WFS1: variants seen among roughly 807,000 people sequenced by gnomAD.
The protein encoded by WFS1 is wolframin ER transmembrane glycoprotein.
In WFS1, 90 loss-of-function variants were observed where a neutral mutation model predicts 68.5. That is an observed-to-expected ratio of 1.31 (90% confidence interval 1.11 to 1.56). WFS1 has a LOEUF of 1.56. Ranked by LOEUF, WFS1 falls within the 40% of genes most tolerant of loss-of-function variation. The pLI, the probability that WFS1 is intolerant of heterozygous loss-of-function variation, is 0.00. For synonymous variants in WFS1, 860 were observed against 540.7 expected, an observed-to-expected ratio of 1.59 and a Z score of -8.19; for missense variants, 1,767 against 1,232.6, an observed-to-expected ratio of 1.43 and a Z score of -6.49.
chr4:6,299,517 G>GAA lies in WFS1; in HGVS notation c.862-1140_862-1139insAA, dbSNP rs1560416228. Among the ~76,000 whole-genome samples the GAA allele has an allele frequency of 4.5e-4, 65 of 145,972 alleles. 2 individuals carry two copies. The highest frequency in any genetic ancestry group is 1.5e-3 in the African/African-American group (60 of 38,944). ...GTGTGTGTAGGGGTGGGTTGCGTGTGTGTGAATGTGTATAGGGGTGGGTTG... is the reference window on the plus strand; with the variant it reads ...GTGTGTGTAGGGGTGGGTTGCGTGTGAATGTGAATGTGTATAGGGGTGGGTTG... On this transcript the variant is annotated intron_variant, in intron 7 of 7. Transcript: ENST00000226760.
chr4:6,286,889 C>T (rs1400776849), intron 2 of WFS1, among the ~76,000 whole-genome samples: 3 of 152,208 alleles, frequency 2.0e-5, no homozygotes, highest in African/African-American at 7.2e-5. Context: ...TCATCTTGCT[C>T]TGGCGCTGCT....
rs545072769 is a variant in WFS1 at position 6,294,974 on chromosome 4, G to A, written c.713-67G>A. 2.7e-4 allele frequency: 438 copies of A among 1,610,750 alleles called. 3 individuals are homozygous for A. The South Asian group carries it at 4.4e-3, about 16-fold the overall frequency. On this transcript the variant is annotated intron_variant, in intron 6 of 7. Transcript: ENST00000226760. Reference sequence around the variant, plus strand: ...CCCACGCCACCGTCCCCAGCCCATTGCTCTGTGTGAGGGTGGCAGTGGGGC... The same window carrying A: ...CCCACGCCACCGTCCCCAGCCCATTACTCTGTGTGAGGGTGGCAGTGGGGC...
intron 2 of WFS1, among the ~76,000 whole-genome samples, chr4:6,278,449 C>G (rs917728441): frequency 3.9e-5 from 6 of 152,248 alleles, no homozygotes; most frequent in African/African-American, 1.4e-4. Context: ...CACTGCCCCT[C>G]CTGCCCATGC....
At chr4:6,282,107 G>C (rs1033341108) in intron 2 of WFS1, among the ~76,000 whole-genome samples, 2 of 152,226 alleles carry the variant, frequency 1.3e-5, no homozygotes, top group African/African-American at 4.8e-5. Context: ...CGCAGGGCCT[G>C]TTAGAAGGGT....
rs886059530 is a variant in WFS1, at chr4:6,301,594, C to G, written c.1799C>G (p.Thr600Ser). The G allele has an allele frequency of 1.9e-6, 3 of 1,614,064 alleles. No individual in the cohort carries two copies. Among genetic ancestry groups the G allele is most frequent in the Non-Finnish European group, 2.5e-6 (3 of 1,180,030 alleles). ...CTGGAGCTCACCAAGATCGCAGTCA[C>G]CGTGGCGGTCTGTAGTGTGCCCCTG... ...TSLELTKIAV[T>S]VAVCSVPLLL... is the part of the protein sequence containing the mutation. The change falls in exon 8 of 8, where the codon ACC becomes AGC. Residue 600 changes from threonine to serine, a missense_variant. By Grantham distance (58) the Thr-to-Ser change is moderately conservative. Transcript: ENST00000226760.
intron 1 of WFS1, among the ~76,000 whole-genome samples, chr4:6,270,621 C>CA (rs1424881225): frequency 6.6e-6 from 1 of 152,202 alleles, no homozygotes; most frequent in African/African-American, 2.4e-5. Flanking sequence ...GTTTCAGTGG[C>CA]AGCACCTGGA....
At chr4:6,298,556 G>A (rs980092104) in intron 7 of WFS1, among the ~76,000 whole-genome samples, 11 of 151,838 alleles carry the variant, frequency 7.2e-5, no homozygotes, top group African/African-American at 1.4e-4. Context: ...GTTCCCCCAC[G>A]TGTAGACGTG....
chr4:6,274,808 C>G (rs1729946184), intron 1 of WFS1, among the ~76,000 whole-genome samples: 1 of 123,192 alleles, frequency 8.1e-6, no homozygotes, highest in Non-Finnish European at 1.7e-5. Flanking sequence ...AGTGAATGGG[C>G]CCCGGGAGAG....
chr4:6,298,327 C>T (rs1026211242), intron 7 of WFS1, among the ~76,000 whole-genome samples: 6 of 152,188 alleles, frequency 3.9e-5, no homozygotes, highest in Non-Finnish European at 5.9e-5. Context: ...TCATAAATGC[C>T]CTCTGGCTCT....
At chr4:6,270,256 G>A (rs1433177818) in intron 1 of WFS1, among the ~76,000 whole-genome samples, 1 of 151,520 alleles carries the variant, frequency 6.6e-6, no homozygotes, top group African/African-American at 2.4e-5. Context: ...GCGCGCCCCG[G>A]TCCCCCGCGC....
intron 7 of WFS1, among the ~76,000 whole-genome samples, chr4:6,298,344 A>G (rs1006065967): frequency 5.9e-5 from 9 of 152,232 alleles, no homozygotes; most frequent in Non-Finnish European, 1.2e-4. Context: ...CTCTCTGGCA[A>G]GCGTTGGAAA....
In WFS1 at chr4:6,301,629, T is replaced by G; in HGVS notation, c.1834T>G (p.Trp612Gly). Residue 612 changes from tryptophan (W) to glycine (G), a missense_variant, in exon 8 of 8, where the codon TGG (tryptophan) becomes GGG (glycine). Coordinates refer to ENST00000226760, the MANE Select transcript of WFS1 (RefSeq NM_006005.3). ...AVCSVPLLLR[W>G]WTKASFSVVG... ...CTGTAGTGTGCCCCTGCTGTTGCGC[T>G]GGTGGACCAAGGCCAGCTTCTCTGT... 2 of 1,614,098 alleles carry G rather than the reference T, an allele frequency of 1.2e-6. No homozygotes were observed. The highest frequency in any genetic ancestry group is 1.7e-6 in the Non-Finnish European group (2 of 1,179,986).
chr4:6,291,680 C>A (rs1007873895), intron 5 of WFS1, among the ~76,000 whole-genome samples: 4 of 152,238 alleles, frequency 2.6e-5, no homozygotes, highest in Non-Finnish European at 5.9e-5. Context: ...ACCAATGGGA[C>A]GGACTGTGTC....
rs1297069854 is a variant in WFS1 at position 6,300,841 on chromosome 4, T to C, written c.1046T>C (p.Ile349Thr). 6.2e-7 allele frequency: 1 copy of C among 1,614,102 alleles called. No homozygotes were observed. Among genetic ancestry groups the C allele is most frequent in the Admixed American group, 1.7e-5 (1 of 60,020 alleles). Residue 349 changes from isoleucine (I) to threonine (T), a missense_variant, in exon 8 of 8, where the codon ATC becomes ACC. Transcript: ENST00000226760. ...DFFAFFIPLV[I>T]FYLSFISMVI... is the part of the protein sequence containing the mutation. Reference sequence around the variant, plus strand: ...TTCGCCTTCTTCATCCCGCTGGTCATCTTCTACCTGTCCTTCATCTCCATG... The same window carrying C: ...TTCGCCTTCTTCATCCCGCTGGTCACCTTCTACCTGTCCTTCATCTCCATG...
chr4:6,295,118 T>G lies in WFS1; in HGVS notation c.790T>G (p.Phe264Val). 6.2e-7 allele frequency: 1 copy of G among 1,613,400 alleles called. No homozygotes were observed. Among genetic ancestry groups the G allele is most frequent in the Non-Finnish European group, 8.5e-7 (1 of 1,180,032 alleles). ...CAAGGGCGTCATCCCCAGCAGCCTG[T>G]TCCTGCAGGACGACGAAGATGATGA... ...YAKGVIPSSL[F>V]LQDDEDDDEL... is the part of the protein sequence containing the mutation. Residue 264 changes from phenylalanine to valine, a missense_variant, in exon 7 of 8, where the codon TTC (phenylalanine) becomes GTC (valine). Coordinates refer to ENST00000226760, the MANE Select transcript of WFS1 (RefSeq NM_006005.3).
At chr4:6,300,163 T>G (rs1270661042) in intron 7 of WFS1, among the ~76,000 whole-genome samples, 2 of 152,142 alleles carry the variant, frequency 1.3e-5, no homozygotes, top group African/African-American at 4.8e-5. Flanking sequence ...CTCCGGGGAC[T>G]GCCTGCGGCT....
intron 1 of WFS1, among the ~76,000 whole-genome samples, chr4:6,275,280 G>A (rs1380554409): frequency 6.6e-6 from 1 of 152,190 alleles, no homozygotes; most frequent in African/African-American, 2.4e-5. Context: ...ACAAGGCCAC[G>A]TGTCATTTGA....
At chr4:6,289,189 C>T in intron 4 of WFS1, 58 bp downstream of exon 4, 1 of 1,524,240 alleles carries the variant, frequency 6.6e-7, no homozygotes, top group African/African-American at 1.4e-5. Flanking sequence ...TGTAATGCTG[C>T]TTGCTAACTG....
chr4:6,277,821 C>T (rs1730044310), intron 2 of WFS1, 134 bp downstream of exon 2: 1 of 1,059,296 alleles, frequency 9.4e-7, no homozygotes, highest in Non-Finnish European at 1.4e-6. Context: ...CCATGCTGTG[C>T]ACAGGCGTCC....
Sources: allele counts gnomAD v4.1 joint callset (sites outside exome capture counted in the v4.1 genomes callset), GRCh38; gene constraint gnomAD v4.1.1; transcripts MANE v1.5; gene names NCBI Gene and HGNC (gene_info 2026-07-23, HGNC 2026-07-21).